RNF7: variants seen among roughly 807,000 people sequenced by gnomAD.
The protein encoded by RNF7 is RING-box protein 2.
Under a neutral mutation model 17.0 loss-of-function variants are expected in RNF7, and 9 were observed. The ratio of observed to expected loss-of-function variants is 0.53; its 90% CI spans 0.32 to 0.92. The LOEUF is 0.92. Ranked by LOEUF, RNF7 falls within the 40% of genes least tolerant of loss-of-function variation. The probability of loss-of-function intolerance (pLI) is 0.04; values close to 1 mark genes in which losing one functional copy is unlikely to be tolerated. For missense variants in RNF7, 87 were observed against 145.8 expected, an observed-to-expected ratio of 0.60 and a Z score of 2.08; for synonymous variants, 59 against 50.5, an observed-to-expected ratio of 1.17 and a Z score of -0.72.
intron 2 of RNF7, 115 bp from the exon 3 acceptor site, chr3:141,745,044 C>G (rs1311764244): frequency 1.6e-5 from 10 of 630,966 alleles, no homozygotes; most frequent in Non-Finnish European, 2.7e-6. Context: ...ATTATTTTGG[C>G]CAATTAACTA....
At position 141,743,531 on chromosome 3, in the gene RNF7, T is replaced by G; in HGVS notation, c.198T>G (p.Ala66=). The G allele has an allele frequency of 6.2e-7, 1 of 1,611,254 alleles. No individual in the cohort carries two copies. The highest frequency in any genetic ancestry group is 8.5e-7 in the Non-Finnish European group (1 of 1,179,050). The part of the protein sequence containing the change: ...QVMDACLRCQ[A]ENKQEDCVVV... ...TAGATGCCTGTCTTAGATGTCAAGC[T>G]GAAAACAAACAAGAGGACTGTGTTG... The change falls in exon 2 of 3, where the codon GCT becomes GCG. Residue 66 remains alanine, a synonymous_variant. Coordinates refer to ENST00000273480, the MANE Select transcript of RNF7 (RefSeq NM_014245.5).
rs745868504 is a variant in RNF7 at position 141,738,488 on chromosome 3, G to A, written c.147G>A (p.Thr49=). 2.5e-6 allele frequency: 4 copies of A among 1,613,496 alleles called. No homozygotes were observed. Among genetic ancestry groups the A allele is most frequent in the Admixed American group, 1.7e-5 (1 of 59,982 alleles). ...AMWSWDVECD[T]CAICRVQVMD... Reference sequence around the variant, plus strand: ...GGAGCTGGGACGTGGAGTGCGATACGTGCGCCATCTGCAGGGTCCAGGTGA... The same window carrying A: ...GGAGCTGGGACGTGGAGTGCGATACATGCGCCATCTGCAGGGTCCAGGTGA... The change falls in exon 1 of 3, where the codon ACG becomes ACA. Residue 49 remains threonine (T), a synonymous_variant. Transcript: ENST00000273480.
intron 1 of RNF7, among the ~76,000 whole-genome samples, chr3:141,741,980 TTC>T (rs2084422179): frequency 6.6e-6 from 1 of 152,030 alleles, no homozygotes; most frequent in African/African-American, 2.4e-5. Flanking sequence ...TGTATTTTCT[TTC>T]TTTCTTTTTT....
Position 141,744,770 on chromosome 3 carries a change from A to C in RNF7, c.224-389A>C, listed in dbSNP as rs368501662. 1.2e-4 allele frequency among the ~76,000 whole-genome samples: 19 copies of C among 152,364 alleles called. No homozygotes were observed. The East Asian group carries it at 3.7e-3, about 29-fold the overall frequency. Reference sequence around the variant, plus strand: ...ATTTACAACTCATTCTGTCTTGGTAAATAAAAATTGGAAGGACATTTTCCC... The same window carrying C: ...ATTTACAACTCATTCTGTCTTGGTACATAAAAATTGGAAGGACATTTTCCC... On this transcript the variant is annotated intron_variant, in intron 2 of 2. Coordinates refer to ENST00000273480, the MANE Select transcript of RNF7 (RefSeq NM_014245.5).
chr3:141,740,684 T>C (rs2084407092), intron 1 of RNF7, among the ~76,000 whole-genome samples: 1 of 152,226 alleles, frequency 6.6e-6, no homozygotes, highest in Non-Finnish European at 1.5e-5. Flanking sequence ...AAGGTGTTAT[T>C]GTACTCCTTA....
chr3:141,744,665 C>T (rs573896364), intron 2 of RNF7, among the ~76,000 whole-genome samples: 1 of 152,288 alleles, frequency 6.6e-6, no homozygotes, highest in South Asian at 2.1e-4. Flanking sequence ...TTCATCACTT[C>T]TAGAAAACAG....
At chr3:141,744,919 G>A (rs1399412112) in intron 2 of RNF7, among the ~76,000 whole-genome samples, 2 of 152,008 alleles carry the variant, frequency 1.3e-5, no homozygotes, top group Non-Finnish European at 2.9e-5. Context: ...AGGAACTAGG[G>A]GTCATCACAT....
At chr3:141,740,158 C>T (rs922524861) in intron 1 of RNF7, among the ~76,000 whole-genome samples, 2 of 150,974 alleles carry the variant, frequency 1.3e-5, no homozygotes, top group Admixed American at 6.6e-5. Flanking sequence ...TTTAACTGAT[C>T]CAGGAGACTC....
intron 2 of RNF7, among the ~76,000 whole-genome samples, chr3:141,744,481 T>A (rs2084452729): frequency 1.3e-5 from 2 of 152,182 alleles, no homozygotes; most frequent in Admixed American, 1.3e-4. Flanking sequence ...GTGGATGATT[T>A]CCCTTGTTTT....
intron 1 of RNF7, 86 bp downstream of exon 1, chr3:141,738,602 GC>G: frequency 7.3e-7 from 1 of 1,377,162 alleles, no homozygotes; most frequent in South Asian, 1.5e-5. Flanking sequence ...TCCGTCAGAA[GC>G]CTCGGAAAGT....
chr3:141,745,377 T>G lies in RNF7; in HGVS notation c.*100T>G. On this transcript the variant is annotated 3_prime_UTR_variant, in exon 3 of 3. Transcript: ENST00000273480. The stretch of plus-strand genomic sequence containing the variant: ...TAGAACACTACAGGGGATGAATTCT[T>G]CAAATAGGAGCCGATGGATCTGTGG... The G allele has an allele frequency of 1.4e-6, 1 of 694,374 alleles. No individual in the cohort carries two copies. Among genetic ancestry groups the G allele is most frequent in the Non-Finnish European group, 2.5e-6 (1 of 407,412 alleles). 43.0% of individuals were successfully genotyped at this position (694,374 alleles called of 1,614,324 possible).
chr3:141,742,416 C>T (rs182175392), intron 1 of RNF7, among the ~76,000 whole-genome samples: 5 of 151,780 alleles, frequency 3.3e-5, no homozygotes, highest in Admixed American at 2.0e-4. Flanking sequence ...TTAGTAGAGA[C>T]GGGGTTTCAC....
At position 141,746,895 on chromosome 3, in the gene RNF7, A is replaced by G. The variant is rs1369426733; in HGVS notation, c.*1618A>G. ...TTCTAGCTACTGAAAAAATTATACA[A>G]ATATCTTTGGCCATTTAAATGTTTA... is the stretch of plus-strand genomic sequence containing the variant. On this transcript the variant is annotated 3_prime_UTR_variant, in exon 3 of 3. Transcript: ENST00000273480. 1 of 152,198 alleles carries G rather than the reference A, an allele frequency of 6.6e-6. No homozygotes were observed. Among genetic ancestry groups the G allele is most frequent in the Admixed American group, 6.5e-5 (1 of 15,270 alleles). 9.4% of individuals were successfully genotyped at this position (152,198 alleles called of 1,614,324 possible). A position where few individuals can be genotyped will look rare whatever the true frequency, so the allele number is the denominator to read the frequency against.
chr3:141,739,636 G>A (rs77870385), intron 1 of RNF7, among the ~76,000 whole-genome samples: 110 of 152,250 alleles, frequency 7.2e-4, no homozygotes, highest in African/African-American at 2.6e-3. Flanking sequence ...CTTAAGGGGG[G>A]TGAGACTGTA....
At position 141,738,370 on chromosome 3, in the gene RNF7, C is replaced by G. The variant is rs746879906; in HGVS notation, c.29C>G (p.Thr10Ser). 2.1e-5 allele frequency: 34 copies of G among 1,587,078 alleles called. No individual in the cohort carries two copies. The highest frequency in any genetic ancestry group is 9.3e-5 in the East Asian group (4 of 43,040). Residue 10 changes from threonine to serine, a missense_variant, in exon 1 of 3, where the codon ACC becomes AGC. Thr to Ser is a moderately conservative substitution (Grantham distance 58). Transcript: ENST00000273480. MADVEDGEE[T>S]CALASHSGSS... is the part of the protein sequence containing the mutation. ...GCCGACGTGGAAGACGGAGAGGAAA[C>G]CTGCGCCCTGGCCTCTCACTCCGGG...
intron 1 of RNF7, among the ~76,000 whole-genome samples, chr3:141,743,221 G>T (rs1429424882): frequency 1.3e-5 from 2 of 152,140 alleles, no homozygotes; most frequent in East Asian, 3.8e-4. Flanking sequence ...AGTGGAGTAT[G>T]GCATATTTTT....
chr3:141,738,393 G>C lies in RNF7; in HGVS notation c.52G>C (p.Gly18Arg), dbSNP rs1163377479. The change falls in exon 1 of 3, where the codon GGG (glycine) becomes CGG (arginine). Residue 18 changes from glycine to arginine, a missense_variant. By Grantham distance (125) the Gly-to-Arg change is moderately radical. This residue lies in a region of RNF7 where 51 missense variants were observed against 41.0 expected (regional missense o/e 1.24). Coordinates refer to ENST00000273480, the MANE Select transcript of RNF7 (RefSeq NM_014245.5). Reference sequence around the variant, plus strand: ...AACCTGCGCCCTGGCCTCTCACTCCGGGAGCTCAGGCTCCAAGTCGGGAGG... The same window carrying C: ...AACCTGCGCCCTGGCCTCTCACTCCCGGAGCTCAGGCTCCAAGTCGGGAGG... ...EETCALASHS[G>R]SSGSKSGGDK... The C allele has an allele frequency of 1.2e-6, 2 of 1,602,724 alleles. No individual in the cohort carries two copies. The highest frequency in any genetic ancestry group is 1.7e-5 in the Admixed American group (1 of 58,534).
chr3:141,744,266 G>GA (rs2084449513), intron 2 of RNF7, among the ~76,000 whole-genome samples: 1 of 152,124 alleles, frequency 6.6e-6, no homozygotes, highest in Non-Finnish European at 1.5e-5. Context: ...TCTTCCTCCT[G>GA]AAACGCTTAG....
At chr3:141,745,124 TATGTA>T in intron 2 of RNF7, 30 bp from the exon 3 acceptor site, 1 of 1,354,804 alleles carries the variant, frequency 7.4e-7, no homozygotes, top group Non-Finnish European at 1.0e-6. Context: ...TAAATTGAAA[TATGTA>T]ATGTCAACTC....
Sources: gnomAD v4.1 joint callset for allele counts (sites outside exome capture counted in the v4.1 genomes callset) on GRCh38, gnomAD v4.1.1 for gene constraint, gnomAD v4.1.1 regional missense constraint, MANE v1.5 for transcripts, NCBI Gene and HGNC (gene_info 2026-07-23, HGNC 2026-07-21) for gene names.